RPH3A: variants seen among roughly 807,000 people sequenced by gnomAD.
The protein encoded by RPH3A is rabphilin-3A.
In RPH3A, 48 loss-of-function variants were observed where a neutral mutation model predicts 102.2. The ratio of observed to expected loss-of-function variants is 0.47; its 90% CI spans 0.37 to 0.60. The LOEUF (loss-of-function observed/expected upper bound fraction) is 0.60, where lower values mean the gene tolerates loss of function less well. Ranked by LOEUF, RPH3A falls within the 20% of genes least tolerant of loss-of-function variation. RPH3A has a pLI of 0.00. For synonymous variants in RPH3A, 310 were observed against 324.3 expected (o/e 0.96, Z 0.47); for missense variants, 781 against 910.1 (o/e 0.86, Z 1.83).
At chr12:112,784,398 AG>A (rs2041030193) in intron 1 of RPH3A, among the ~76,000 whole-genome samples, 1 of 152,174 alleles carries the variant, frequency 6.6e-6, no homozygotes, top group African/African-American at 2.4e-5. Context: ...GATCTATCCC[AG>A]GTTCCCCTAA....
intron 3 of RPH3A, 123 bp from the exon 4 acceptor site, chr12:112,836,368 T>C (rs2136168921): frequency 2.2e-6 from 1 of 450,928 alleles, no homozygotes; most frequent in Non-Finnish European, 3.9e-6. Flanking sequence ...TGAAACAAAA[T>C]GGAAGTAGGT....
chr12:112,753,332 G>T (rs10492020), intron 1 of RPH3A, among the ~76,000 whole-genome samples: 1 of 152,114 alleles, frequency 6.6e-6, no homozygotes, highest in Non-Finnish European at 1.5e-5. Flanking sequence ...TTTGGAGTTT[G>T]CATTCATCAA....
At chr12:112,728,395 G>A (rs759555734) in intron 1 of RPH3A, among the ~76,000 whole-genome samples, 9 of 152,006 alleles carry the variant, frequency 5.9e-5, no homozygotes, top group Non-Finnish European at 7.4e-5. Context: ...CCTTTGGCAG[G>A]AGGACCATAA....
In RPH3A at chr12:112,876,648, C is replaced by T; in HGVS notation, c.953C>T (p.Ala318Val). The T allele has an allele frequency of 6.2e-7, 1 of 1,604,678 alleles. No homozygotes were observed. The highest frequency in any genetic ancestry group is 8.5e-7 in the Non-Finnish European group (1 of 1,175,622). The change falls in exon 13 of 22, where the codon GCT becomes GTT. Residue 318 changes from alanine to valine, a missense_variant. Around this residue, in one of 2 missense-constraint regions of RPH3A, gnomAD observed 730 missense variants for 810.0 expected, o/e 0.90. Coordinates refer to ENST00000389385, the MANE Select transcript of RPH3A (RefSeq NM_001143854.2). ...TGTCCTTATCTCCCTGCAGAGGTGG[C>T]TCCGAGCGACCCTGGGACCACTGCC... The part of the protein sequence containing the change: ...GRFPDQKPEV[A>V]PSDPGTTAPP...
rs547217779 is a variant in RPH3A at position 112,647,141 on chromosome 12, C to A, written c.-140+71822C>A. Among the ~76,000 whole-genome samples, 3 of 152,256 alleles carry A rather than the reference C, an allele frequency of 2.0e-5. No individual in the cohort carries two copies. In the East Asian group the frequency reaches 5.8e-4, roughly 29 times the overall value. Reference sequence around the variant, plus strand: ...AGACCCACATTTTATGTTTAATGGACAAAAGTGATGTTTCCCTTGGCCTGT... The same window carrying A: ...AGACCCACATTTTATGTTTAATGGAAAAAAGTGATGTTTCCCTTGGCCTGT... On this transcript the variant is annotated intron_variant, in intron 1 of 21. Coordinates refer to the RPH3A transcript ENST00000543106.
rs949532540 is a variant in RPH3A, at chr12:112,588,993, A to G, written c.-140+13674A>G. 2.6e-5 allele frequency among the ~76,000 whole-genome samples: 4 copies of G among 152,082 alleles called. 1 individual carries two copies. ...GACAGAGATTAAATTAGGGGAGGAGAAAGGAGTGGGATTCTTGGGGGAAGG... is the reference window on the plus strand; with the variant it reads ...GACAGAGATTAAATTAGGGGAGGAGGAAGGAGTGGGATTCTTGGGGGAAGG... On this transcript the variant is annotated intron_variant, in intron 1 of 21. Transcript: ENST00000543106.
chr12:112,592,890 G>A (rs1484612319), intron 1 of RPH3A, among the ~76,000 whole-genome samples: 1 of 152,206 alleles, frequency 6.6e-6, no homozygotes, highest in African/African-American at 2.4e-5. Context: ...CCTAAGCCTG[G>A]GAAAGCCTGT....
At chr12:112,837,862 C>T in intron 4 of RPH3A, 1 of 452,222 alleles carries the variant, frequency 2.2e-6, no homozygotes, top group Non-Finnish European at 4.4e-6. Context: ...CTCCTCCCCT[C>T]CTTCCCTCCC....
chr12:112,877,676 C>T (rs1453100281), intron 13 of RPH3A, among the ~76,000 whole-genome samples: 2 of 152,188 alleles, frequency 1.3e-5, no homozygotes, highest in Admixed American at 6.5e-5. Flanking sequence ...CATCTCTCCT[C>T]ACTGTAAAAT....
At position 112,870,042 on chromosome 12, in the gene RPH3A, G is replaced by A; in HGVS notation, c.796+3G>A. The stretch of plus-strand genomic sequence containing the variant: ...AGACTCCAGCCGGAGCCCAGCAGGT[G>A]AGCAAGATGGGCAAATCCAGAGACA... On this transcript the variant is annotated splice_donor_region_variant and intron_variant, in intron 10 of 21. Transcript: ENST00000389385. The A allele has an allele frequency of 6.2e-7, 1 of 1,608,762 alleles. No individual in the cohort carries two copies. The highest frequency in any genetic ancestry group is 8.5e-7 in the Non-Finnish European group (1 of 1,178,148).
chr12:112,816,132 C>T (rs909684215), intron 2 of RPH3A, among the ~76,000 whole-genome samples: 1 of 152,146 alleles, frequency 6.6e-6, no homozygotes, highest in African/African-American at 2.4e-5. Flanking sequence ...GAGTCATGTA[C>T]TATATTTATT....
intron 1 of RPH3A, among the ~76,000 whole-genome samples, chr12:112,752,756 G>A (rs950848222): frequency 3.9e-5 from 6 of 151,912 alleles, no homozygotes; most frequent in African/African-American, 9.7e-5. Flanking sequence ...AGAATTTGAT[G>A]AGTTTTGATA....
intron 1 of RPH3A, among the ~76,000 whole-genome samples, chr12:112,584,813 C>G (rs1016652600): frequency 1.3e-5 from 2 of 152,034 alleles, no homozygotes; most frequent in African/African-American, 4.8e-5. Flanking sequence ...TGCAGAGGGA[C>G]GGTGTATTAG....
intron 1 of RPH3A, among the ~76,000 whole-genome samples, chr12:112,605,479 G>A (rs1436672434): frequency 1.3e-5 from 2 of 152,282 alleles, no homozygotes; most frequent in South Asian, 2.1e-4. Flanking sequence ...ACTCAGAAGT[G>A]CAGTAACCTG....
chr12:112,844,208 A>G (rs1228366594), intron 4 of RPH3A, among the ~76,000 whole-genome samples: 1 of 152,170 alleles, frequency 6.6e-6, no homozygotes, highest in East Asian at 1.9e-4. Flanking sequence ...AGCAAAGGGG[A>G]TGAGCTGTCA....
intron 1 of RPH3A, among the ~76,000 whole-genome samples, chr12:112,725,597 T>C (rs2040582835): frequency 6.6e-6 from 1 of 152,180 alleles, no homozygotes; most frequent in South Asian, 2.1e-4. Flanking sequence ...CTCTGTCCTC[T>C]ACTCAGGAGT....
At chr12:112,812,325 G>T (rs578196351) in intron 2 of RPH3A, among the ~76,000 whole-genome samples, 3 of 152,276 alleles carry the variant, frequency 2.0e-5, no homozygotes, top group African/African-American at 7.2e-5. Context: ...ATGAGGAACT[G>T]GTGTCCACTC....
At chr12:112,854,941 T>A (rs1329692107) in intron 5 of RPH3A, among the ~76,000 whole-genome samples, 2 of 152,238 alleles carry the variant, frequency 1.3e-5, no homozygotes, top group Non-Finnish European at 2.9e-5. Context: ...TTATTGAAGT[T>A]AATTGATCGT....
intron 13 of RPH3A, 148 bp from the exon 14 acceptor site, chr12:112,878,971 A>C (rs1437981410): frequency 3.5e-5 from 25 of 710,316 alleles, no homozygotes; most frequent in Admixed American, 1.7e-4. Flanking sequence ...GGGTCTACCA[A>C]GATGAGGAAC....
Sources: gnomAD v4.1 joint callset for allele counts (sites outside exome capture counted in the v4.1 genomes callset) on GRCh38, gnomAD v4.1.1 for gene constraint, gnomAD v4.1.1 regional missense constraint, MANE v1.5 for transcripts, NCBI Gene and HGNC (gene_info 2026-07-23, HGNC 2026-07-21) for gene names.